The following SLIT3 variants were observed in gnomAD, a reference collection of about 807,000 sequenced individuals.
SLIT3 encodes slit homolog 3 protein.
A neutral mutation model predicts 184.0 loss-of-function variants in SLIT3; 68 were observed. The ratio of observed to expected loss-of-function variants is 0.37; its 90% CI spans 0.30 to 0.45. SLIT3 has a LOEUF of 0.45. Ranked by LOEUF, SLIT3 falls within the 20% of genes least tolerant of loss-of-function variation. SLIT3 has a pLI of 1.00. For missense variants in SLIT3, 1,707 were observed against 2,026.0 expected, an observed-to-expected ratio of 0.84 and a Z score of 3.02; for synonymous variants, 831 against 828.6, an observed-to-expected ratio of 1.00 and a Z score of -0.05.
intron 6 of SLIT3, among the ~76,000 whole-genome samples, chr5:168,827,198 T>C (rs1209000028): frequency 1.3e-5 from 2 of 152,194 alleles, no homozygotes; most frequent in African/African-American, 2.4e-5. Context: ...ATGAGGCCCA[T>C]GTTAGTTTCC....
intron 3 of SLIT3, among the ~76,000 whole-genome samples, chr5:169,237,459 T>C (rs547500551): frequency 3.3e-5 from 5 of 152,348 alleles, no homozygotes; most frequent in African/African-American, 9.6e-5. Flanking sequence ...TATAAGACTA[T>C]GTTTAACTTT....
At chr5:168,855,142 G>T (rs1758817960) in intron 5 of SLIT3, among the ~76,000 whole-genome samples, 1 of 152,184 alleles carries the variant, frequency 6.6e-6, no homozygotes, top group African/African-American at 2.4e-5. Context: ...GAGGTGCTCA[G>T]TAAAAAGCCC....
chr5:169,152,342 G>T (rs538289937), intron 4 of SLIT3, among the ~76,000 whole-genome samples: 24 of 152,378 alleles, frequency 1.6e-4, no homozygotes, highest in African/African-American at 5.5e-4. Context: ...GAGCGTGGAA[G>T]GGGAGACTCG....
At chr5:168,818,192 T>A (rs1369004186) in intron 7 of SLIT3, among the ~76,000 whole-genome samples, 2 of 152,190 alleles carry the variant, frequency 1.3e-5, no homozygotes, top group African/African-American at 4.8e-5. Context: ...CTGGTGTATT[T>A]GCTATTCTGA....
chr5:169,030,768 A>T (rs954471598), intron 4 of SLIT3, among the ~76,000 whole-genome samples: 3 of 152,214 alleles, frequency 2.0e-5, no homozygotes, highest in Admixed American at 1.3e-4. Flanking sequence ...GTTAAGGAGG[A>T]TAAACAATAT....
At chr5:169,216,835 G>A (rs762099743) in intron 3 of SLIT3, among the ~76,000 whole-genome samples, 6 of 152,256 alleles carry the variant, frequency 3.9e-5, no homozygotes, top group South Asian at 2.1e-4. Flanking sequence ...TCAGCAGCCC[G>A]CAGCAGTGCT....
intron 11 of SLIT3, 123 bp downstream of exon 11, chr5:168,789,437 G>T (rs1045747655): frequency 2.5e-5 from 16 of 649,238 alleles, no homozygotes; most frequent in Non-Finnish European, 3.8e-5. Flanking sequence ...TTACCAGGTT[G>T]CCACAAGTGT....
chr5:169,260,451 C>T (rs1042896552), intron 1 of SLIT3, among the ~76,000 whole-genome samples: 13 of 152,166 alleles, frequency 8.5e-5, no homozygotes, highest in Non-Finnish European at 1.8e-4. Flanking sequence ...ACGGGGTATT[C>T]GTCCTCCCTG....
chr5:168,797,103 C>T (rs1351068948), intron 9 of SLIT3, among the ~76,000 whole-genome samples: 1 of 152,090 alleles, frequency 6.6e-6, no homozygotes, highest in Admixed American at 6.5e-5. Context: ...ACAGGCCTGG[C>T]TAGCCTGCTC....
chr5:168,920,522 G>A (rs576907760), intron 4 of SLIT3, among the ~76,000 whole-genome samples: 25 of 152,086 alleles, frequency 1.6e-4, no homozygotes, highest in South Asian at 6.2e-4. Flanking sequence ...ACGGCGGCAC[G>A]GAAGGAATAC....
chr5:169,066,392 G>A (rs1249770879), intron 4 of SLIT3, among the ~76,000 whole-genome samples: 1 of 152,140 alleles, frequency 6.6e-6, no homozygotes, highest in Non-Finnish European at 1.5e-5. Context: ...ACAAGAGGAG[G>A]CAATCTGCAA....
chr5:169,082,930 G>T (rs2569110), intron 4 of SLIT3, among the ~76,000 whole-genome samples: 7,186 of 152,152 alleles, frequency 0.047, 553 homozygotes, highest in African/African-American at 0.16. Context: ...TCAATACAGG[G>T]CAAATCCACA....
intron 1 of SLIT3, among the ~76,000 whole-genome samples, chr5:169,255,017 C>T (rs570514987): frequency 1.3e-5 from 2 of 152,298 alleles, no homozygotes; most frequent in Non-Finnish European, 2.9e-5. Flanking sequence ...AAGATCATAA[C>T]GGAGCTGAAA....
intron 4 of SLIT3, among the ~76,000 whole-genome samples, chr5:168,978,561 A>G (rs1343618833): frequency 1.3e-5 from 2 of 152,194 alleles, no homozygotes; most frequent in African/African-American, 4.8e-5. Flanking sequence ...TAGCCCAGCA[A>G]TGCCTGAGAA....
At position 168,758,026 on chromosome 5, in the gene SLIT3, C is replaced by T. The variant is rs144172668; in HGVS notation, c.1685+2836G>A. ...TTGTCTGCCCATTTTCCTTCCACAC[C>T]GGGAGTTGTGGCAGCTCTTGAGAAA... On this transcript the variant is annotated intron_variant, in intron 16 of 35. Transcript: ENST00000519560. 1.6e-3 allele frequency among the ~76,000 whole-genome samples: 248 copies of T among 152,286 alleles called. 2 individuals carry two copies. Among genetic ancestry groups the T allele is most frequent in the Non-Finnish European group, 2.7e-3 (183 of 68,014 alleles).
chr5:169,275,836 A>G (rs1387725029), intron 1 of SLIT3, among the ~76,000 whole-genome samples: 4 of 152,182 alleles, frequency 2.6e-5, no homozygotes, highest in Non-Finnish European at 4.4e-5. Context: ...CAGCCAAACC[A>G]TATCAGGGAT....
intron 29 of SLIT3, among the ~76,000 whole-genome samples, chr5:168,691,251 C>A (rs1761897394): frequency 6.6e-6 from 1 of 152,206 alleles, no homozygotes; most frequent in African/African-American, 2.4e-5. Context: ...GGAGCAACAA[C>A]TAGAACTCCT....
chr5:169,200,474 T>C (rs297852), intron 3 of SLIT3, among the ~76,000 whole-genome samples: 97,969 of 152,004 alleles, frequency 0.64, 31,967 homozygotes, highest in East Asian at 0.79. Context: ...AAGCTCCAAG[T>C]CACCCCCAAT....
intron 14 of SLIT3, among the ~76,000 whole-genome samples, chr5:168,770,416 C>T (rs1035871498): frequency 5.9e-5 from 9 of 152,110 alleles, no homozygotes; most frequent in Admixed American, 1.3e-4. Context: ...GTGTCACCTG[C>T]CCCCCTTCTT....
Sources: gnomAD v4.1 joint callset for allele counts (sites outside exome capture counted in the v4.1 genomes callset) on GRCh38, gnomAD v4.1.1 for gene constraint, MANE v1.5 for transcripts, NCBI Gene and HGNC (gene_info 2026-07-23, HGNC 2026-07-21) for gene names.